The following YWHAB variants were observed in gnomAD, a reference collection of about 807,000 sequenced individuals.
YWHAB encodes tyrosine 3-monooxygenase/tryptophan 5-monooxygenase activation protein beta.
Under a neutral mutation model 28.5 loss-of-function variants are expected in YWHAB, and 2 were observed. The ratio of observed to expected loss-of-function variants is 0.07; its 90% CI spans 0.03 to 0.22. YWHAB has a LOEUF of 0.22. Ranked by LOEUF, YWHAB falls within the 10% of genes least tolerant of loss-of-function variation. The pLI, the probability that YWHAB is intolerant of heterozygous loss-of-function variation, is 1.00. For synonymous variants in YWHAB, 103 were observed against 104.7 expected (o/e 0.98, Z 0.10); for missense variants, 148 against 297.1 (o/e 0.50, Z 3.69).
chr20:44,905,951 A>G (rs771556324), intron 4 of YWHAB, 50 bp from the exon 5 acceptor site: 1 of 1,519,986 alleles, frequency 6.6e-7, no homozygotes, highest in Non-Finnish European at 9.1e-7. Flanking sequence ...AGTGGGCTAA[A>G]CTAGCTCCAG....
At position 44,906,491 on chromosome 20, in the gene YWHAB, A is replaced by AT. The variant is rs2066656869; in HGVS notation, c.*54dup. On this transcript the variant is annotated 3_prime_UTR_variant, in exon 6 of 6. Coordinates refer to ENST00000353703, the MANE Select transcript of YWHAB (RefSeq NM_139323.4). ...GTGTCACTCTGTACCCTCAACATAT[A>AT]TCCCTTGTGCGATAAAAAAAAAAAA... 9.3e-7 allele frequency: 1 copy of AT among 1,071,436 alleles called. No homozygotes were observed. Among genetic ancestry groups the AT allele is most frequent in the Admixed American group, 2.2e-5 (1 of 45,532 alleles). 66.4% of individuals were successfully genotyped at this position (1,071,436 alleles called of 1,614,324 possible).
chr20:44,886,874 GCTAGATAGCATCAGGTC>G, intron 1 of YWHAB: 1 of 152,314 alleles, frequency 6.6e-6, no homozygotes, highest in East Asian at 1.9e-4. Flanking sequence ...CTTTGGTAAG[GCTAGATAGCATCAGGTC>G]CTGATTTTGC....
chr20:44,903,979 T>A lies in YWHAB; in HGVS notation c.301-14T>A. 6.3e-7 allele frequency: 1 copy of A among 1,593,034 alleles called. No homozygotes were observed. The highest frequency in any genetic ancestry group is 8.5e-7 in the Non-Finnish European group (1 of 1,174,784). Reference sequence around the variant, plus strand: ...GTGAATAATTCTAAATTCTTAACAATGTTCATTTTTTAGGAGCTGTTGGAC... The same window carrying A: ...GTGAATAATTCTAAATTCTTAACAAAGTTCATTTTTTAGGAGCTGTTGGAC... On this transcript the variant is annotated splice_polypyrimidine_tract_variant and intron_variant, in intron 2 of 5. Coordinates refer to ENST00000353703, the MANE Select transcript of YWHAB (RefSeq NM_139323.4).
rs1366272647 is a variant in YWHAB, at chr20:44,904,968, C to T, written c.425C>T (p.Thr142Ile). The change falls in exon 4 of 6, where the codon ACC (threonine) becomes ATC (isoleucine). Residue 142 changes from threonine (T) to isoleucine (I), a missense_variant and splice_region_variant. Physicochemically the swap from Thr to Ile is moderately conservative, Grantham distance 89. Transcript: ENST00000353703. ...SEVASGDNKQ[T>I]TVSNSQQAYQ... ...TAATATTTTCATCTTTATGTTACAG[C>T]CACTGTGTCGAACTCCCAGCAGGCT... is the stretch of plus-strand genomic sequence containing the variant. 1 of 1,593,010 alleles carries T rather than the reference C, an allele frequency of 6.3e-7. No individual in the cohort carries two copies. Among genetic ancestry groups the T allele is most frequent in the South Asian group, 1.1e-5 (1 of 89,166 alleles).
rs200677018 is a variant in YWHAB, at chr20:44,906,332, T to C, written c.685-50T>C. 2.4e-5 allele frequency: 38 copies of C among 1,584,142 alleles called. No homozygotes were observed. The African/African-American group carries it at 4.4e-4, about 18-fold the overall frequency. ...GATTATACATACTGGGCCACTTACC[T>C]AGGGAACTTTTAGTAGCCCTGCTTT... On this transcript the variant is annotated intron_variant, in intron 5 of 5. Coordinates refer to ENST00000353703, the MANE Select transcript of YWHAB (RefSeq NM_139323.4).
chr20:44,888,059 T>C (rs1188465515), intron 1 of YWHAB, among the ~76,000 whole-genome samples: 4 of 152,242 alleles, frequency 2.6e-5, no homozygotes, highest in African/African-American at 9.6e-5. Context: ...CTCGTCTATA[T>C]AGCACAAATG....
chr20:44,890,673 G>T (rs1307687263), intron 1 of YWHAB, among the ~76,000 whole-genome samples: 1 of 152,096 alleles, frequency 6.6e-6, no homozygotes, highest in African/African-American at 2.4e-5. Context: ...ACTGCGCCCA[G>T]CTAATTTTTG....
Position 44,908,164 on chromosome 20 carries a change from AAG to A in YWHAB, c.*1728_*1729del, listed in dbSNP as rs1491056148. ...ACTGATTTAAAACAAACCAAAAAAAAAGAAAAAAACAAAAAAAAAAATCCCTC... is the reference window on the plus strand; with the variant it reads ...ACTGATTTAAAACAAACCAAAAAAAAAAAAAAACAAAAAAAAAAATCCCTC... On this transcript the variant is annotated 3_prime_UTR_variant, in exon 6 of 6. Coordinates refer to ENST00000353703, the MANE Select transcript of YWHAB (RefSeq NM_139323.4). The A allele has an allele frequency of 1.7e-4, 23 of 133,152 alleles. No homozygotes were observed. Among genetic ancestry groups the A allele is most frequent in the African/African-American group, 4.5e-4 (14 of 31,200 alleles). The allele number at this position is 133,152 out of a possible 1,614,324, so 8.2% of individuals were successfully genotyped here.
chr20:44,898,495 T>A (rs779384647), intron 1 of YWHAB, among the ~76,000 whole-genome samples: 41 of 152,054 alleles, frequency 2.7e-4, no homozygotes, highest in South Asian at 1.2e-3. Context: ...GTGGAGGTCA[T>A]ACTTTCTTGT....
chr20:44,898,634 A>G (rs994438423), intron 1 of YWHAB, among the ~76,000 whole-genome samples: 1 of 151,392 alleles, frequency 6.6e-6, no homozygotes, highest in Non-Finnish European at 1.5e-5. Context: ...CAGCCTCCCC[A>G]GTAGCTGGGA....
At chr20:44,894,467 A>C (rs1484876945) in intron 1 of YWHAB, among the ~76,000 whole-genome samples, 1 of 152,228 alleles carries the variant, frequency 6.6e-6, no homozygotes, top group Admixed American at 6.5e-5. Context: ...AGAAAATTCA[A>C]TTAGAAACTA....
In YWHAB at chr20:44,908,464, C is replaced by G. The variant is rs1440977722; in HGVS notation, c.*2026C>G. 6.6e-6 allele frequency: 1 copy of G among 152,602 alleles called. No homozygotes were observed. The highest frequency in any genetic ancestry group is 1.5e-5 in the Non-Finnish European group (1 of 68,042). 9.5% of individuals were successfully genotyped at this position (152,602 alleles called of 1,614,324 possible). The stretch of plus-strand genomic sequence containing the variant: ...TAAACAGTTCTAGTTTCACCTTACA[C>G]AGAATAATCAGGAAAAGTGTAAAAA... On this transcript the variant is annotated 3_prime_UTR_variant, in exon 6 of 6. Transcript: ENST00000353703.
At chr20:44,893,373 C>A (rs1319807985) in intron 1 of YWHAB, among the ~76,000 whole-genome samples, 1 of 151,906 alleles carries the variant, frequency 6.6e-6, no homozygotes, top group African/African-American at 2.4e-5. Flanking sequence ...TCTCTTTAAA[C>A]AGAAAAACAC....
chr20:44,905,231 T>G, intron 4 of YWHAB, 100 bp downstream of exon 4: 1 of 1,299,750 alleles, frequency 7.7e-7, no homozygotes, highest in Non-Finnish European at 1.0e-6. Context: ...GGACTTTTTT[T>G]GAAAGATTTT....
intron 1 of YWHAB, among the ~76,000 whole-genome samples, chr20:44,898,904 G>A (rs538237986): frequency 2.0e-5 from 3 of 151,102 alleles, no homozygotes; most frequent in Admixed American, 1.3e-4. Flanking sequence ...ATCACCTGAG[G>A]TCAGGCGTTC....
chr20:44,898,753 G>T (rs1026582385), intron 1 of YWHAB, among the ~76,000 whole-genome samples: 1 of 152,004 alleles, frequency 6.6e-6, no homozygotes, highest in Non-Finnish European at 1.5e-5. Flanking sequence ...TGATTCACCT[G>T]CCTCGGCCTC....
chr20:44,901,623 A>G lies in YWHAB; in HGVS notation c.90A>G (p.Ala30=), dbSNP rs776730297. ...ATGATATGGCTGCAGCCATGAAGGC[A>G]GTCACAGAACAGGGGCATGAACTCT... The part of the protein sequence containing the change: ...RYDDMAAAMK[A]VTEQGHELSN... The change falls in exon 2 of 6, where the codon GCA becomes GCG. Residue 30 remains alanine, a synonymous_variant. Coordinates refer to ENST00000353703, the MANE Select transcript of YWHAB (RefSeq NM_139323.4). 5.0e-6 allele frequency: 8 copies of G among 1,614,104 alleles called. No homozygotes were observed. In the East Asian group the frequency reaches 1.6e-4, roughly 31 times the overall value.
chr20:44,901,803 A>G lies in YWHAB; in HGVS notation c.270A>G (p.Ala90=). Residue 90 remains alanine (A), a synonymous_variant, in exon 2 of 6, where the codon GCA becomes GCG. Coordinates refer to ENST00000353703, the MANE Select transcript of YWHAB (RefSeq NM_139323.4). ...AAGAGTACCGTGAGAAGATAGAGGC[A>G]GAACTGCAGGACATCTGCAATGATG... ...MGKEYREKIE[A]ELQDICNDVL... The G allele has an allele frequency of 1.2e-6, 2 of 1,606,142 alleles. No individual in the cohort carries two copies. The highest frequency in any genetic ancestry group is 1.7e-6 in the Non-Finnish European group (2 of 1,173,482).
chr20:44,889,477 T>TA (rs1555873564), intron 1 of YWHAB, among the ~76,000 whole-genome samples: 33 of 151,730 alleles, frequency 2.2e-4, no homozygotes, highest in African/African-American at 3.6e-4. Context: ...TTTTTTTTTT[T>TA]AAATTCTGGC....
Sources: gnomAD v4.1 joint callset for allele counts (sites outside exome capture counted in the v4.1 genomes callset) on GRCh38, gnomAD v4.1.1 for gene constraint, MANE v1.5 for transcripts, NCBI Gene and HGNC (gene_info 2026-07-23, HGNC 2026-07-21) for gene names.